The following CAMTA1 variants were observed in gnomAD, a reference collection of about 807,000 sequenced individuals.
CAMTA1 encodes calmodulin-binding transcription activator 1.
Under a neutral mutation model 170.9 loss-of-function variants are expected in CAMTA1, and 27 were observed. That is an observed-to-expected ratio of 0.16 (90% CI 0.12 to 0.22). The LOEUF (loss-of-function observed/expected upper bound fraction) is 0.22, where lower values mean the gene tolerates loss of function less well. Ranked by LOEUF, CAMTA1 falls within the 10% of genes least tolerant of loss-of-function variation. The pLI is 1.00. For synonymous variants in CAMTA1, 833 were observed against 891.5 expected, an observed-to-expected ratio of 0.93 and a Z score of 1.17; for missense variants, 1,619 against 2,217.2, an observed-to-expected ratio of 0.73 and a Z score of 5.42.
intron 3 of CAMTA1, among the ~76,000 whole-genome samples, chr1:6,894,357 T>A (rs1410965413): frequency 1.3e-5 from 2 of 152,228 alleles, no homozygotes; most frequent in Non-Finnish European, 2.9e-5. Context: ...ATACTGAATA[T>A]TTCATGTGGA....
chr1:7,662,354 A>C (rs528647343), intron 8 of CAMTA1, among the ~76,000 whole-genome samples: 1 of 152,222 alleles, frequency 6.6e-6, no homozygotes, highest in Middle Eastern at 3.4e-3. Context: ...TTTTCTGATA[A>C]TGGTATTTGC....
At chr1:7,746,835 C>A (rs1460885793) in intron 18 of CAMTA1, among the ~76,000 whole-genome samples, 1 of 152,206 alleles carries the variant, frequency 6.6e-6, no homozygotes, top group Non-Finnish European at 1.5e-5. Context: ...CAGGTTTTCA[C>A]AATGTTGGCC....
rs1353161287 is a variant in CAMTA1, at chr1:7,061,712, AG to A, written c.235-29587del. Among the ~76,000 whole-genome samples the A allele has an allele frequency of 2.6e-3, 8 of 3,024 alleles. No individual in the cohort carries two copies. In the Admixed American group the frequency reaches 0.028, roughly 10 times the overall value. 2.0% of individuals were successfully genotyped at this position (3,024 alleles called of 152,430 possible). A position where few individuals can be genotyped will look rare whatever the true frequency, so the allele number is the denominator to read the frequency against. ...TTTGGTGGGGTGGTGGCGGCAGAGG[AG>A]GGGGTGGGGTGGCGGGGAGAAGGGG... On this transcript the variant is annotated intron_variant, in intron 3 of 22. Transcript: ENST00000303635.
intron 5 of CAMTA1, among the ~76,000 whole-genome samples, chr1:7,384,765 A>T (rs1304143520): frequency 6.6e-6 from 1 of 152,110 alleles, no homozygotes; most frequent in Non-Finnish European, 1.5e-5. Context: ...GCTAATTAGG[A>T]GGGGCAGAGC....
At chr1:7,229,149 G>A (rs1410136385) in intron 4 of CAMTA1, among the ~76,000 whole-genome samples, 5 of 151,888 alleles carry the variant, frequency 3.3e-5, no homozygotes, top group Non-Finnish European at 7.4e-5. Flanking sequence ...AGGAGGGAGA[G>A]TGGAGGTGAG....
rs978884024 is a variant in CAMTA1, at chr1:7,422,787, C to T, written c.439-45043C>T. ...TGGCACATGCCACCTGGACACAGGG[C>T]TCCCTGCAGTCCCCACACCCCCCTA... On this transcript the variant is annotated intron_variant, in intron 5 of 22. Transcript: ENST00000303635. 5.9e-4 allele frequency among the ~76,000 whole-genome samples: 90 copies of T among 152,268 alleles called. 1 individual carries two copies. Among genetic ancestry groups the T allele is most frequent in the African/African-American group, 2.1e-3 (89 of 41,562 alleles).
intron 3 of CAMTA1, among the ~76,000 whole-genome samples, chr1:6,850,413 G>A (rs535560200): frequency 6.6e-6 from 1 of 152,286 alleles, no homozygotes; most frequent in Admixed American, 6.5e-5. Flanking sequence ...CATTGAAGAT[G>A]TCTTTATCTT....
chr1:7,320,201 C>T (rs1477786128), intron 5 of CAMTA1, among the ~76,000 whole-genome samples: 1 of 152,154 alleles, frequency 6.6e-6, no homozygotes, highest in African/African-American at 2.4e-5. Context: ...AAAAGGAAAA[C>T]TTTCAATAAT....
intron 4 of CAMTA1, among the ~76,000 whole-genome samples, chr1:7,124,940 G>A (rs74051133): frequency 0.02 from 3,030 of 152,076 alleles, 87 homozygotes; most frequent in African/African-American, 0.061. Context: ...AGATTTTGTC[G>A]GGGGAAGTTT....
chr1:6,912,519 C>G (rs1404904211), intron 3 of CAMTA1, among the ~76,000 whole-genome samples: 1 of 152,220 alleles, frequency 6.6e-6, no homozygotes, highest in African/African-American at 2.4e-5. Flanking sequence ...ATTAACATTT[C>G]TTGGTACTTT....
In CAMTA1 at chr1:7,580,479, G is replaced by A. The variant is rs980921612; in HGVS notation, c.511-59921G>A. ...CCAGGGGTAGTGTGCCCCACTTTGG[G>A]CATGGAAGACATCATGGAGACCTCA... On this transcript the variant is annotated intron_variant, in intron 6 of 22. Transcript: ENST00000303635. This position sits in a 1 kb window ranked among gnomAD's most constrained non-coding sequence, Gnocchi z 4.3. Among the ~76,000 whole-genome samples the A allele has an allele frequency of 3.3e-5, 5 of 152,142 alleles. No individual in the cohort carries two copies. The highest frequency in any genetic ancestry group is 1.2e-4 in the African/African-American group (5 of 41,426).
intron 4 of CAMTA1, among the ~76,000 whole-genome samples, chr1:7,161,810 C>T (rs9434863): frequency 0.024 from 3,654 of 152,178 alleles, 53 homozygotes; most frequent in African/African-American, 0.032. Flanking sequence ...TGGTGAAGGA[C>T]GGGCAAGGGT....
In CAMTA1 at chr1:7,065,562, G is replaced by C. The variant is rs950970916; in HGVS notation, c.235-25742G>C. Among the ~76,000 whole-genome samples the C allele has an allele frequency of 6.6e-6, 1 of 152,164 alleles. No homozygotes were observed. The highest frequency in any genetic ancestry group is 1.5e-5 in the Non-Finnish European group (1 of 68,032). On this transcript the variant is annotated intron_variant, in intron 3 of 22. Coordinates refer to ENST00000303635, the MANE Select transcript of CAMTA1 (RefSeq NM_015215.4). This position sits in a 1 kb window ranked among gnomAD's most constrained non-coding sequence, Gnocchi z 5.2. Reference sequence around the variant, plus strand: ...TCCTGGAGGAGGGGACAGGAGATGGGATCCAGGGCGCAGCTGGAGGGATTC... The same window carrying C: ...TCCTGGAGGAGGGGACAGGAGATGGCATCCAGGGCGCAGCTGGAGGGATTC...
At chr1:7,421,374 G>C (rs1449630305) in intron 5 of CAMTA1, among the ~76,000 whole-genome samples, 2 of 152,120 alleles carry the variant, frequency 1.3e-5, no homozygotes, top group Non-Finnish European at 2.9e-5. Context: ...GGATGGTCTT[G>C]AACTCCTGAC....
At chr1:7,045,143 C>A (rs1705166189) in intron 3 of CAMTA1, among the ~76,000 whole-genome samples, 1 of 152,110 alleles carries the variant, frequency 6.6e-6, no homozygotes, top group Admixed American at 6.5e-5. Context: ...CTCCTAAGGA[C>A]CCCGAGAAGC....
chr1:6,792,327 A>G (rs530216894), intron 1 of CAMTA1, among the ~76,000 whole-genome samples: 1 of 151,744 alleles, frequency 6.6e-6, no homozygotes, highest in African/African-American at 2.4e-5. Flanking sequence ...AAGGGTGAGT[A>G]AAGGGTGGTT....
chr1:7,386,983 CCTAA>C (rs1237413531), intron 5 of CAMTA1, among the ~76,000 whole-genome samples: 1 of 152,104 alleles, frequency 6.6e-6, no homozygotes, highest in Non-Finnish European at 1.5e-5. Context: ...CTCTTATGTT[CCTAA>C]CTGTTTGGTT....
intron 10 of CAMTA1, among the ~76,000 whole-genome samples, chr1:7,671,316 G>T (rs549472929): frequency 2.6e-5 from 4 of 152,334 alleles, no homozygotes; most frequent in African/African-American, 9.6e-5. Flanking sequence ...AGGCCCAGGC[G>T]ATGTATCCAG....
At chr1:7,022,872 A>G (rs1194692767) in intron 3 of CAMTA1, among the ~76,000 whole-genome samples, 2 of 152,154 alleles carry the variant, frequency 1.3e-5, no homozygotes, top group Non-Finnish European at 1.5e-5. Context: ...CAACAAAAAC[A>G]TAGCTGAATT....
Sources: gnomAD v4.1 joint callset for allele counts (sites outside exome capture counted in the v4.1 genomes callset) on GRCh38, gnomAD v4.1.1 for gene constraint, Gnocchi (gnomAD v3.1) non-coding constraint, MANE v1.5 for transcripts, NCBI Gene and HGNC (gene_info 2026-07-23, HGNC 2026-07-21) for gene names.